The following UBL3 variants were observed in gnomAD, a reference collection of about 807,000 sequenced individuals.
UBL3 encodes ubiquitin like 3, also known as ubiquitin-like protein 3.
In UBL3, 6 loss-of-function variants were observed where a neutral mutation model predicts 18.4. The ratio of observed to expected loss-of-function variants is 0.33; its 90% CI spans 0.18 to 0.64. The LOEUF (loss-of-function observed/expected upper bound fraction) is 0.64, where lower values mean the gene tolerates loss of function less well. Ranked by LOEUF, UBL3 falls within the 30% of genes least tolerant of loss-of-function variation. The pLI, the probability that UBL3 is intolerant of heterozygous loss-of-function variation, is 0.76. For missense variants in UBL3, 109 were observed against 142.9 expected (o/e 0.76, Z 1.21); for synonymous variants, 49 against 46.6 (o/e 1.05, Z -0.21).
At chr13:29,811,590 T>C (rs1878086762) in intron 1 of UBL3, among the ~76,000 whole-genome samples, 1 of 152,084 alleles carries the variant, frequency 6.6e-6, no homozygotes, top group Non-Finnish European at 1.5e-5. Flanking sequence ...CTCCATGCCA[T>C]TCCTCACCAG....
intron 1 of UBL3, among the ~76,000 whole-genome samples, chr13:29,846,662 T>G (rs990797627): frequency 1.3e-5 from 2 of 152,114 alleles, no homozygotes; most frequent in Non-Finnish European, 2.9e-5. Context: ...GAATAAATTA[T>G]CTCTATTGGA....
intron 3 of UBL3, among the ~76,000 whole-genome samples, chr13:29,769,644 C>T (rs1016781330): frequency 6.6e-6 from 1 of 152,086 alleles, no homozygotes; most frequent in African/African-American, 2.4e-5. Context: ...AAATGCTAAT[C>T]TGGGCCATAC....
At position 29,827,214 on chromosome 13, in the gene UBL3, A is replaced by C. The variant is rs552830234; in HGVS notation, c.27+22298T>G. On this transcript the variant is annotated intron_variant, in intron 1 of 4. Transcript: ENST00000380680. Reference sequence around the variant, plus strand: ...TGTCTATTAGGTCCGCTTGGTGCAGAGCTGAGTTCAATTCCTGGATATCCT... The same window carrying C: ...TGTCTATTAGGTCCGCTTGGTGCAGCGCTGAGTTCAATTCCTGGATATCCT... 6.8e-4 allele frequency among the ~76,000 whole-genome samples: 103 copies of C among 152,304 alleles called. 2 individuals carry two copies. Among genetic ancestry groups the C allele is most frequent in the Middle Eastern group, 3.4e-3 (1 of 294 alleles).
intron 1 of UBL3, among the ~76,000 whole-genome samples, chr13:29,781,015 A>G (rs1275360080): frequency 6.6e-6 from 1 of 152,160 alleles, no homozygotes; most frequent in Admixed American, 6.5e-5. Flanking sequence ...CTCTAATAAA[A>G]ATACAAAATA....
chr13:29,798,612 T>C (rs1877677067), intron 1 of UBL3, among the ~76,000 whole-genome samples: 1 of 152,198 alleles, frequency 6.6e-6, no homozygotes, highest in South Asian at 2.1e-4. Flanking sequence ...TTAAGCCTTA[T>C]TATTTTGATA....
intron 1 of UBL3, among the ~76,000 whole-genome samples, chr13:29,788,746 G>T (rs1310629205): frequency 6.6e-6 from 1 of 152,046 alleles, no homozygotes. Context: ...AAGAAAAAAA[G>T]AATTCTTAAT....
At chr13:29,794,193 A>C (rs565251773) in intron 1 of UBL3, among the ~76,000 whole-genome samples, 2 of 152,172 alleles carry the variant, frequency 1.3e-5, no homozygotes, top group South Asian at 4.1e-4. Context: ...TTAATGTTTG[A>C]ACACTTACCA....
intron 1 of UBL3, among the ~76,000 whole-genome samples, chr13:29,789,509 A>C (rs1247041128): frequency 6.6e-6 from 1 of 152,208 alleles, no homozygotes; most frequent in Non-Finnish European, 1.5e-5. Context: ...CTTTCAGCTG[A>C]TTCTTCAAAA....
chr13:29,777,478 A>C (rs778572657), intron 1 of UBL3: 7 of 654,762 alleles, frequency 1.1e-5, no homozygotes, highest in Non-Finnish European at 2.0e-5. Context: ...TGTGTCAGAC[A>C]TATTTGCCAT....
intron 1 of UBL3, among the ~76,000 whole-genome samples, chr13:29,808,347 C>G (rs1877949352): frequency 6.6e-6 from 1 of 151,652 alleles, no homozygotes; most frequent in African/African-American, 2.4e-5. Context: ...AAATTAATTA[C>G]AAAATTTCAA....
At chr13:29,797,825 T>C (rs746865587) in intron 1 of UBL3, among the ~76,000 whole-genome samples, 41 of 152,142 alleles carry the variant, frequency 2.7e-4, no homozygotes, top group Non-Finnish European at 6.0e-4. Context: ...TATTAATACA[T>C]GAAATCTGCC....
chr13:29,847,672 C>T (rs1020234914), intron 1 of UBL3, among the ~76,000 whole-genome samples: 12 of 152,222 alleles, frequency 7.9e-5, no homozygotes, highest in East Asian at 1.9e-4. Flanking sequence ...AGAGAATAGA[C>T]GGTACTTAAG....
intron 1 of UBL3, among the ~76,000 whole-genome samples, chr13:29,788,936 G>T (rs1477646090): frequency 6.7e-6 from 1 of 149,500 alleles, no homozygotes; most frequent in Non-Finnish European, 1.5e-5. Context: ...TTTTGCTCTT[G>T]TTGCCCAGGC....
intron 1 of UBL3, among the ~76,000 whole-genome samples, chr13:29,780,388 ATATGTGTG>A (rs1414878439): frequency 5.4e-4 from 51 of 94,912 alleles, no homozygotes; most frequent in African/African-American, 1.8e-3. Flanking sequence ...ATATATATAT[ATATGTGTG>A]TGTGTGTGTG....
At position 29,798,030 on chromosome 13, in the gene UBL3, AT is replaced by A. The variant is rs574813633; in HGVS notation, c.28-20768del. Among the ~76,000 whole-genome samples the A allele has an allele frequency of 2.7e-3, 396 of 146,722 alleles. 2 individuals carry two copies. The highest frequency in any genetic ancestry group is 4.9e-3 in the Non-Finnish European group (324 of 66,254). ...TTTTTTGATGGCATATTAAATATAT[AT>A]TTTTTTTTTGGAGACTGAGTCTTGC... On this transcript the variant is annotated intron_variant, in intron 1 of 4. Coordinates refer to ENST00000380680, the MANE Select transcript of UBL3 (RefSeq NM_007106.4).
intron 1 of UBL3, among the ~76,000 whole-genome samples, chr13:29,809,755 T>G (rs1360625051): frequency 6.6e-6 from 1 of 152,136 alleles, no homozygotes; most frequent in Non-Finnish European, 1.5e-5. Flanking sequence ...TTCAGGACCC[T>G]GCCTTCTGAC....
intron 1 of UBL3, among the ~76,000 whole-genome samples, chr13:29,834,425 T>G (rs1878866926): frequency 6.6e-6 from 1 of 152,006 alleles, no homozygotes; most frequent in Admixed American, 6.5e-5. Context: ...AGTCACAAAA[T>G]AATGAGAAAG....
chr13:29,798,490 G>T (rs1258858875), intron 1 of UBL3, among the ~76,000 whole-genome samples: 1 of 152,128 alleles, frequency 6.6e-6, no homozygotes, highest in African/African-American at 2.4e-5. Flanking sequence ...TACTACTGTA[G>T]ATGCAGCTCT....
intron 1 of UBL3, among the ~76,000 whole-genome samples, chr13:29,828,687 T>C (rs1878688404): frequency 6.6e-6 from 1 of 152,240 alleles, no homozygotes; most frequent in Non-Finnish European, 1.5e-5. Flanking sequence ...GTCAAAGTCA[T>C]TCTCCGTCCA....
Sources: allele counts gnomAD v4.1 joint callset (sites outside exome capture counted in the v4.1 genomes callset), GRCh38; gene constraint gnomAD v4.1.1; transcripts MANE v1.5; gene names NCBI Gene and HGNC (gene_info 2026-07-23, HGNC 2026-07-21).